Variants in ABCB5 observed in about 807,000 individuals in gnomAD.
ABCB5 encodes ATP-binding cassette sub-family B member 5.
A neutral mutation model predicts 144.2 loss-of-function variants in ABCB5; 155 were observed. That is an observed-to-expected ratio of 1.08 (90% CI 0.94 to 1.23). The LOEUF is 1.23. Ranked by LOEUF, ABCB5 falls within the 50% of genes most tolerant of loss-of-function variation. The pLI is 0.00. For missense variants in ABCB5, 1,830 were observed against 1,520.8 expected, an observed-to-expected ratio of 1.20 and a Z score of -3.38; for synonymous variants, 610 against 528.6, an observed-to-expected ratio of 1.15 and a Z score of -2.11.
intron 23 of ABCB5, among the ~76,000 whole-genome samples, chr7:20,735,220 T>A (rs1467117414): frequency 6.6e-6 from 1 of 152,138 alleles, no homozygotes; most frequent in Admixed American, 6.5e-5. Context: ...CCAGGCAGTT[T>A]ATGGGTGTGT....
chr7:20,682,965 G>C (rs930718200), intron 15 of ABCB5, among the ~76,000 whole-genome samples: 4 of 152,148 alleles, frequency 2.6e-5, no homozygotes, highest in Non-Finnish European at 4.4e-5. Context: ...TCTCTTCTTT[G>C]TTCTCGCCCA....
intron 2 of ABCB5, among the ~76,000 whole-genome samples, chr7:20,625,978 A>T (rs924638228): frequency 1.3e-5 from 2 of 152,238 alleles, no homozygotes; most frequent in African/African-American, 4.8e-5. Context: ...AACACCTACT[A>T]CAATGTGGAT....
Position 20,727,028 on chromosome 7 carries a change from C to T in ABCB5, c.2626-12C>T. ...AATTTTATTTCTATATTGTATTGTC[C>T]TGTTTTATAAGATAGCAACTGAAGC... On this transcript the variant is annotated splice_polypyrimidine_tract_variant and intron_variant, in intron 21 of 27. Coordinates refer to ENST00000404938, the MANE Select transcript of ABCB5 (RefSeq NM_001163941.2). 6.3e-7 allele frequency: 1 copy of T among 1,581,870 alleles called. No homozygotes were observed. Among genetic ancestry groups the T allele is most frequent in the Non-Finnish European group, 8.7e-7 (1 of 1,155,928 alleles).
At chr7:20,658,394 C>A in intron 13 of ABCB5, 112 bp from the exon 14 acceptor site, 1 of 938,928 alleles carries the variant, frequency 1.1e-6, no homozygotes. Context: ...CACCCAGAGG[C>A]TGAAGTACTG....
chr7:20,681,014 CTTTCTTTCTTTCTT>C (rs1562558912), intron 14 of ABCB5, among the ~76,000 whole-genome samples: 9 of 14,590 alleles, frequency 6.2e-4, no homozygotes, highest in African/African-American at 1.9e-3. Context: ...TTCTTTCTTT[CTTTCTTTCTTTCTT>C]TCTTTCTCTT....
intron 13 of ABCB5, among the ~76,000 whole-genome samples, chr7:20,657,116 C>T (rs1363699851): frequency 6.6e-6 from 1 of 151,736 alleles, no homozygotes; most frequent in Non-Finnish European, 1.5e-5. Context: ...ACCATGTTGC[C>T]CAGGCTGGTG....
chr7:20,712,680 A>C (rs574120082), intron 20 of ABCB5, among the ~76,000 whole-genome samples: 1 of 149,378 alleles, frequency 6.7e-6, no homozygotes, highest in Non-Finnish European at 1.5e-5. Context: ...CAGATATTAT[A>C]TTTTTTATTT....
chr7:20,652,725 T>TA (rs1297736396), intron 13 of ABCB5, among the ~76,000 whole-genome samples: 2 of 152,236 alleles, frequency 1.3e-5, no homozygotes, highest in African/African-American at 4.8e-5. Flanking sequence ...AGCCTTTTTT[T>TA]AAAAATATTT....
rs1464476096 is a variant in ABCB5 at position 20,645,989 on chromosome 7, G to C, written c.832G>C (p.Asp278His). ...TACACAGAATCTCAAAGATGCAAAG[G>C]ATTTTGGCATAAAAAGGACTATAGC... ...RYTQNLKDAK[D>H]FGIKRTIASK... is the part of the protein sequence containing the mutation. Residue 278 changes from aspartate (D) to histidine (H), a missense_variant, in exon 9 of 28, where the codon GAT becomes CAT. Coordinates refer to ENST00000404938, the MANE Select transcript of ABCB5 (RefSeq NM_001163941.2). The C allele has an allele frequency of 6.2e-7, 1 of 1,613,604 alleles. No individual in the cohort carries two copies. The highest frequency in any genetic ancestry group is 8.5e-7 in the Non-Finnish European group (1 of 1,179,772).
intron 14 of ABCB5, among the ~76,000 whole-genome samples, chr7:20,662,748 G>C (rs189909766): frequency 9.3e-4 from 142 of 152,282 alleles, no homozygotes; most frequent in African/African-American, 3.3e-3. Flanking sequence ...TAAATTCTAA[G>C]CCACTAACTT....
chr7:20,723,065 G>A lies in ABCB5; in HGVS notation c.2471G>A (p.Gly824Glu), dbSNP rs377473255. 9.3e-6 allele frequency: 15 copies of A among 1,614,100 alleles called. No individual in the cohort carries two copies. The highest frequency in any genetic ancestry group is 1.3e-5 in the Non-Finnish European group (15 of 1,180,010). The change falls in exon 21 of 28, where the codon GGA (glycine) becomes GAA (glutamate). Residue 824 changes from glycine to glutamate, a missense_variant. By Grantham distance (98) the Gly-to-Glu change is moderately conservative (BLOSUM62 -2). Coordinates refer to ENST00000404938, the MANE Select transcript of ABCB5 (RefSeq NM_001163941.2). ...TTAACACAAAATGCAACTAACATGG[G>A]ACTTTCAGTTATCATTTCCTTTATA... ...GVLTQNATNMGLSVIISFIYG... is the reference protein window; with the variant it reads ...GVLTQNATNMELSVIISFIYG...
chr7:20,682,276 A>G (rs1785855866), intron 15 of ABCB5, among the ~76,000 whole-genome samples: 1 of 152,234 alleles, frequency 6.6e-6, no homozygotes, highest in African/African-American at 2.4e-5. Flanking sequence ...GAACACAAAG[A>G]AATATAACAC....
At chr7:20,670,427 G>A (rs1785425589) in intron 14 of ABCB5, among the ~76,000 whole-genome samples, 1 of 151,180 alleles carries the variant, frequency 6.6e-6, no homozygotes. Context: ...ACACCATGGA[G>A]CACATGTCAC....
intron 14 of ABCB5, among the ~76,000 whole-genome samples, chr7:20,675,567 C>T (rs189902645): frequency 8.6e-5 from 13 of 152,026 alleles, no homozygotes; most frequent in Non-Finnish European, 1.2e-4. Flanking sequence ...TAGAAGTAAA[C>T]GTAGTGGGAA....
intron 14 of ABCB5, among the ~76,000 whole-genome samples, chr7:20,662,786 G>C (rs529958411): frequency 2.6e-5 from 4 of 152,110 alleles, no homozygotes; most frequent in Admixed American, 6.5e-5. Context: ...CTTCTCCTTT[G>C]ATAGATCAGG....
At chr7:20,670,256 A>T (rs1216186065) in intron 14 of ABCB5, among the ~76,000 whole-genome samples, 1 of 152,138 alleles carries the variant, frequency 6.6e-6, no homozygotes, top group Non-Finnish European at 1.5e-5. Flanking sequence ...ATGATGTGTC[A>T]ATAGTGGTTC....
intron 14 of ABCB5, among the ~76,000 whole-genome samples, chr7:20,663,968 G>A (rs910673159): frequency 2.6e-5 from 4 of 151,508 alleles, no homozygotes; most frequent in East Asian, 3.9e-4. Flanking sequence ...CACGCGCCTC[G>A]GCCTCCCAAA....
chr7:20,741,066 G>A (rs899857083), intron 24 of ABCB5, among the ~76,000 whole-genome samples: 18 of 146,800 alleles, frequency 1.2e-4, no homozygotes, highest in Admixed American at 1.1e-3. Context: ...TCACACCACT[G>A]TACTCCAGCC....
At chr7:20,621,305 A>T (rs1174563454) in intron 1 of ABCB5, among the ~76,000 whole-genome samples, 1 of 152,114 alleles carries the variant, frequency 6.6e-6, no homozygotes, top group Non-Finnish European at 1.5e-5. Context: ...CTGAAGATAG[A>T]TATGGTGATG....
Sources: gnomAD v4.1 joint callset for allele counts (sites outside exome capture counted in the v4.1 genomes callset) on GRCh38, gnomAD v4.1.1 for gene constraint, MANE v1.5 for transcripts, NCBI Gene and HGNC (gene_info 2026-07-23, HGNC 2026-07-21) for gene names.